DHX29: variants seen among roughly 807,000 people sequenced by gnomAD.
The protein encoded by DHX29 is DExH-box helicase 29, also known as ATP-dependent RNA helicase DHX29.
Under a neutral mutation model 167.9 loss-of-function variants are expected in DHX29, and 79 were observed. That is an observed-to-expected ratio of 0.47 (90% confidence interval 0.39 to 0.57). The LOEUF is 0.57. DHX29 is among the 20% of genes least tolerant of loss of function. The probability of loss-of-function intolerance (pLI) is 0.00; values close to 1 mark genes in which losing one functional copy is unlikely to be tolerated. For synonymous variants in DHX29, 530 were observed against 546.0 expected (o/e 0.97, Z 0.41); for missense variants, 1,347 against 1,593.4 (o/e 0.85, Z 2.63).
intron 20 of DHX29, among the ~76,000 whole-genome samples, chr5:55,270,079 C>G (rs1157588272): frequency 2.0e-5 from 3 of 152,024 alleles, no homozygotes; most frequent in African/African-American, 7.2e-5. Context: ...TCCCAGATCT[C>G]TACCTACTAG....
intron 2 of DHX29, 147 bp downstream of exon 2, chr5:55,298,444 C>T: frequency 1.8e-6 from 1 of 558,784 alleles, no homozygotes; most frequent in South Asian, 2.1e-5. Flanking sequence ...GTATGATTTA[C>T]TTATTTTTAG....
At chr5:55,257,668 T>A (rs1746117136) in intron 26 of DHX29, among the ~76,000 whole-genome samples, 1 of 152,234 alleles carries the variant, frequency 6.6e-6, no homozygotes, top group African/African-American at 2.4e-5. Context: ...GTTTTTCAAA[T>A]GTTTGGCATT....
intron 23 of DHX29, among the ~76,000 whole-genome samples, chr5:55,265,228 A>G (rs1746500158): frequency 6.6e-6 from 1 of 151,944 alleles, no homozygotes; most frequent in African/African-American, 2.4e-5. Context: ...CCAGACTCTA[A>G]TGAAACAATA....
intron 10 of DHX29, among the ~76,000 whole-genome samples, chr5:55,284,838 G>A (rs1360643669): frequency 9.9e-5 from 15 of 152,140 alleles, no homozygotes; most frequent in African/African-American, 3.6e-4. Context: ...TTTTCAGCCT[G>A]GGAAATATAG....
intron 16 of DHX29, among the ~76,000 whole-genome samples, chr5:55,273,871 A>C (rs904191414): frequency 1.3e-5 from 2 of 151,884 alleles, no homozygotes; most frequent in African/African-American, 4.8e-5. Flanking sequence ...CAGATCATCT[A>C]AGGTCAGGAG....
chr5:55,272,290 C>T lies in DHX29; in HGVS notation c.2776-115G>A, dbSNP rs141938828. On this transcript the variant is annotated intron_variant, in intron 17 of 26. Transcript: ENST00000251636. ...AAAAACTGAATTTCAATTTCAGTCA[C>T]AAAAATTTACAATCTATTTGCTATT... is the stretch of plus-strand genomic sequence containing the variant. 234 of 669,072 alleles carry T rather than the reference C, an allele frequency of 3.5e-4. 1 individual carries two copies. In the African/African-American group the frequency reaches 4.3e-3, roughly 12 times the overall value. The allele number at this position is 669,072 out of a possible 1,614,324, so 41.4% of individuals were successfully genotyped here.
chr5:55,269,566 G>C lies in DHX29; in HGVS notation c.3141C>G (p.Ser1047Arg). Residue 1047 changes from serine (S) to arginine (R), a missense_variant, in exon 21 of 27, where the codon AGC becomes AGG. By Grantham distance (110) the Ser-to-Arg change is moderately radical (BLOSUM62 -1). Around this residue, in one of 3 missense-constraint regions of DHX29, gnomAD observed 882 missense variants for 1,082.4 expected, o/e 0.81. Transcript: ENST00000251636. ...ALDPPQLQVISNAMNLLRKIG... is the reference protein window; with the variant it reads ...ALDPPQLQVIRNAMNLLRKIG... ...TTTTTCGGAGCAAATTCATTGCATT[G>C]CTGATCACTTGGAGCTGAGGAGGAT... is the stretch of plus-strand genomic sequence containing the variant. 1 of 1,614,092 alleles carries C rather than the reference G, an allele frequency of 6.2e-7. No individual in the cohort carries two copies.
chr5:55,304,674 C>T (rs1053082350), intron 1 of DHX29, among the ~76,000 whole-genome samples: 19 of 151,796 alleles, frequency 1.3e-4, no homozygotes, highest in Non-Finnish European at 2.2e-4. Context: ...CCTCCCTATT[C>T]GGCCTCTTCA....
intron 16 of DHX29, 76 bp from the exon 17 acceptor site, chr5:55,273,453 C>T (rs1746949869): frequency 2.9e-5 from 39 of 1,355,852 alleles, no homozygotes; most frequent in Non-Finnish European, 3.5e-5. Flanking sequence ...AATTTATTTG[C>T]ATATAGCAAG....
At chr5:55,299,481 G>C (rs1748494289) in intron 1 of DHX29, among the ~76,000 whole-genome samples, 1 of 152,128 alleles carries the variant, frequency 6.6e-6, no homozygotes, top group Admixed American at 6.5e-5. Context: ...AAACTTGATG[G>C]CTGAATACAG....
Position 55,298,630 on chromosome 5 carries a change from A to T in DHX29, c.222T>A (p.Asp74Glu), listed in dbSNP as rs1246319884. 1 of 1,554,846 alleles carries T rather than the reference A, an allele frequency of 6.4e-7. No individual in the cohort carries two copies. The highest frequency in any genetic ancestry group is 8.9e-7 in the Non-Finnish European group (1 of 1,127,748). Reference sequence around the variant, plus strand: ...TATCCAGATTTGCAGGACCACTAGAATCATTTGTAGAATTAAAACTATAAA... The same window carrying T: ...TATCCAGATTTGCAGGACCACTAGATTCATTTGTAGAATTAAAACTATAAA... ...PKIYSFNSTN[D>E]SSGPANLDKS... The change falls in exon 2 of 27, where the codon GAT (aspartate) becomes GAA (glutamate). Residue 74 changes from aspartate (D) to glutamate (E), a missense_variant. By Grantham distance (45) the Asp-to-Glu change is conservative (BLOSUM62 2). Around this residue, in one of 3 missense-constraint regions of DHX29, gnomAD observed 405 missense variants for 416.8 expected, o/e 0.97. Transcript: ENST00000251636.
chr5:55,274,588 G>A, intron 16 of DHX29, 26 bp downstream of exon 16: 8 of 1,479,584 alleles, frequency 5.4e-6, no homozygotes, highest in Non-Finnish European at 6.5e-6. Flanking sequence ...AAAACTACCA[G>A]GAATATAATG....
Position 55,299,579 on chromosome 5 carries a change from A to G in DHX29, c.188-915T>C, listed in dbSNP as rs145866977. 1.4e-3 allele frequency among the ~76,000 whole-genome samples: 206 copies of G among 152,260 alleles called. 2 individuals carry two copies. The Middle Eastern group carries it at 0.024, about 18-fold the overall frequency. ...CATGCTCTCTCTGAAGGCTCTAGGT[A>G]AGAATCGTTCCTTCCCCCTTCCAGC... On this transcript the variant is annotated intron_variant, in intron 1 of 26. Transcript: ENST00000251636.
At chr5:55,302,205 TTAAC>T (rs1447757627) in intron 1 of DHX29, among the ~76,000 whole-genome samples, 7 of 152,190 alleles carry the variant, frequency 4.6e-5, no homozygotes, top group Admixed American at 1.3e-4. Context: ...TTAGTAGTCT[TTAAC>T]TATTTCTGGG....
At chr5:55,264,385 C>G (rs952886590) in intron 23 of DHX29, among the ~76,000 whole-genome samples, 1 of 152,158 alleles carries the variant, frequency 6.6e-6, no homozygotes, top group African/African-American at 2.4e-5. Flanking sequence ...CAACCAGCCA[C>G]TAAGTATGAT....
At chr5:55,294,678 C>CA (rs969923098) in intron 5 of DHX29, among the ~76,000 whole-genome samples, 1 of 151,912 alleles carries the variant, frequency 6.6e-6, no homozygotes, top group African/African-American at 2.4e-5. Flanking sequence ...GACTCTGTCT[C>CA]AAAAAAACAA....
At chr5:55,297,224 TGAG>T (rs1748370328) in intron 3 of DHX29, 58 bp downstream of exon 3, 2 of 751,604 alleles carry the variant, frequency 2.7e-6, no homozygotes, top group Admixed American at 2.2e-5. Flanking sequence ...TTATCTCACA[TGAG>T]GAGCTGTCTA....
chr5:55,272,255 G>T, intron 17 of DHX29, 80 bp from the exon 18 acceptor site: 1 of 884,090 alleles, frequency 1.1e-6, no homozygotes, highest in Non-Finnish European at 1.7e-6. Context: ...AGTTTGAGCT[G>T]ATGAAATTTA....
chr5:55,307,672 C>T lies in DHX29; in HGVS notation c.-99G>A. ...ATTCCCCGGCTCCGGGGCTGCCACCCTGCGCTTCGATCCGGGCTTCTCGGG... is the reference window on the plus strand; with the variant it reads ...ATTCCCCGGCTCCGGGGCTGCCACCTTGCGCTTCGATCCGGGCTTCTCGGG... On this transcript the variant is annotated 5_prime_UTR_variant, in exon 1 of 27. Transcript: ENST00000251636. 1 of 1,472,526 alleles carries T rather than the reference C, an allele frequency of 6.8e-7. No individual in the cohort carries two copies. The highest frequency in any genetic ancestry group is 2.1e-5 in the Admixed American group (1 of 48,056). 91.2% of individuals were successfully genotyped at this position (1,472,526 alleles called of 1,614,324 possible). A position where few individuals can be genotyped will look rare whatever the true frequency, so the allele number is the denominator to read the frequency against.
Sources: allele counts gnomAD v4.1 joint callset (sites outside exome capture counted in the v4.1 genomes callset), GRCh38; gene constraint gnomAD v4.1.1; regional missense constraint gnomAD v4.1.1; transcripts MANE v1.5; gene names NCBI Gene and HGNC (gene_info 2026-07-23, HGNC 2026-07-21).